Variants in TRIOBP observed in about 807,000 individuals in gnomAD.
TRIOBP encodes the protein TRIO and F-actin-binding protein.
A neutral mutation model predicts 238.8 loss-of-function variants in TRIOBP; 169 were observed. The ratio of observed to expected loss-of-function variants is 0.71; its 90% CI spans 0.62 to 0.80. The LOEUF is 0.80. Ranked by LOEUF, TRIOBP falls within the 30% of genes least tolerant of loss-of-function variation. The probability of loss-of-function intolerance (pLI) is 0.00; values close to 1 mark genes in which losing one functional copy is unlikely to be tolerated. For missense variants in TRIOBP, 2,838 were observed against 3,122.6 expected, an observed-to-expected ratio of 0.91 and a Z score of 2.17; for synonymous variants, 1,150 against 1,274.4, an observed-to-expected ratio of 0.90 and a Z score of 2.08.
At chr22:37,746,095 T>G in intron 11 of TRIOBP, 26 of 641,278 alleles carry the variant, frequency 4.1e-5, no homozygotes, top group Non-Finnish European at 4.2e-5. Context: ...GCCCGTCCCG[T>G]TGCGGCAGGT....
At chr22:37,710,736 G>C (rs1437057052) in intron 4 of TRIOBP, among the ~76,000 whole-genome samples, 170 bp downstream of exon 4, 3 of 151,892 alleles carry the variant, frequency 2.0e-5, no homozygotes, top group African/African-American at 7.3e-5. Context: ...TGCTCCTTGG[G>C]CCCACAGGAA....
intron 3 of TRIOBP, among the ~76,000 whole-genome samples, chr22:37,709,628 G>C (rs1007276236): frequency 3.3e-5 from 5 of 152,198 alleles, no homozygotes; most frequent in Non-Finnish European, 7.4e-5. Context: ...CATGGCCGCT[G>C]TCTCCCACCA....
chr22:37,769,106 A>G lies in TRIOBP; in HGVS notation c.6654A>G (p.Ala2218=). 1 of 1,613,464 alleles carries G rather than the reference A, an allele frequency of 6.2e-7. No individual in the cohort carries two copies. The highest frequency in any genetic ancestry group is 8.5e-7 in the Non-Finnish European group (1 of 1,180,010). Residue 2218 remains alanine, a synonymous_variant, in exon 20 of 24, where the codon GCA becomes GCG. Transcript: ENST00000644935. The stretch of plus-strand genomic sequence containing the variant: ...CGCAGAAGTGCCTGGAGATTGGGGC[A>G]CTCATGCGGCAGGCTGAGGAGCGCG... ...QYSQKCLEIG[A]LMRQAEEREH...
chr22:37,729,774 GAATA>G (rs944176509), intron 7 of TRIOBP, among the ~76,000 whole-genome samples: 8 of 152,062 alleles, frequency 5.3e-5, no homozygotes, highest in African/African-American at 1.9e-4. Flanking sequence ...TAATTTTACT[GAATA>G]ATTAAAATTT....
chr22:37,742,642 C>T (rs1330886313), intron 11 of TRIOBP, among the ~76,000 whole-genome samples: 3 of 152,140 alleles, frequency 2.0e-5, no homozygotes. Flanking sequence ...TAGTGTGGTA[C>T]CTTTAAGCCA....
chr22:37,704,446 A>ACAGAACAGAACAGAACAGAACAGAACAG (rs1569031527), intron 3 of TRIOBP, among the ~76,000 whole-genome samples: 6 of 82,610 alleles, frequency 7.3e-5, no homozygotes, highest in African/African-American at 1.3e-4. Flanking sequence ...ACAGTACAGA[A>ACAGAACAGAACAGAACAGAACAGAACAG]AACAGGGAGA....
In TRIOBP at chr22:37,775,787, C is replaced by CA. The variant is rs956872539; in HGVS notation, c.*2016dup. 1.1e-4 allele frequency: 16 copies of CA among 150,316 alleles called. No individual in the cohort carries two copies. The highest frequency in any genetic ancestry group is 1.9e-4 in the East Asian group (1 of 5,138). The allele number at this position is 150,316 out of a possible 1,614,324, so 9.3% of individuals were successfully genotyped here. A position where few individuals can be genotyped will look rare whatever the true frequency, so the allele number is the denominator to read the frequency against. On this transcript the variant is annotated 3_prime_UTR_variant, in exon 24 of 24. Coordinates refer to ENST00000644935, the MANE Select transcript of TRIOBP (RefSeq NM_001039141.3). ...GTGTGACAAGGGCGAAACTCCATCT[C>CA]AAAAAAAAAGGGGGAGGGTGGCGCA...
chr22:37,731,024 CT>C (rs1257539391), intron 7 of TRIOBP, among the ~76,000 whole-genome samples: 15 of 151,654 alleles, frequency 9.9e-5, no homozygotes, highest in Non-Finnish European at 2.1e-4. Flanking sequence ...CTCCAGGGAA[CT>C]TTGGTTCCTC....
At chr22:37,770,752 G>A (rs760373813) in intron 21 of TRIOBP, among the ~76,000 whole-genome samples, 4 of 149,224 alleles carry the variant, frequency 2.7e-5, no homozygotes, top group Non-Finnish European at 5.9e-5. Context: ...GCACCATCTC[G>A]GCTCACTGCA....
chr22:37,724,661 A>G lies in TRIOBP; in HGVS notation c.2105A>G (p.Gln702Arg), dbSNP rs202079450. ...GAGAACCCCAGAACATCCTGTGCCC[A>G]ACGGGACGATCCCAGAGCCTCCTCT... ...QQENPRTSCAQRDDPRASSPN... is the reference protein window; with the variant it reads ...QQENPRTSCARRDDPRASSPN... The change falls in exon 7 of 24, where the codon CAA (glutamine) becomes CGA (arginine). Residue 702 changes from glutamine (Q) to arginine (R), a missense_variant. Gln to Arg is a conservative substitution (Grantham distance 43). Transcript: ENST00000644935. 4.0e-3 allele frequency: 6,393 copies of G among 1,603,652 alleles called. 17 individuals are homozygous for G. The highest frequency in any genetic ancestry group is 4.9e-3 in the Non-Finnish European group (5,757 of 1,177,056).
At chr22:37,766,105 A>ATTT (rs1926482398) in intron 18 of TRIOBP, among the ~76,000 whole-genome samples, 1 of 152,196 alleles carries the variant, frequency 6.6e-6, no homozygotes, top group Non-Finnish European at 1.5e-5. Context: ...GTCTGCCTAA[A>ATTT]GGCACATGCT....
intron 11 of TRIOBP, among the ~76,000 whole-genome samples, chr22:37,743,808 T>TGTGTGG (rs2145851328): frequency 1.1e-5 from 1 of 91,080 alleles, no homozygotes; most frequent in Non-Finnish European, 1.9e-5. Flanking sequence ...AGAATGTGTG[T>TGTGTGG]GTGTGTGTGT....
chr22:37,771,542 G>A (rs369757389), intron 21 of TRIOBP, 108 bp from the exon 22 acceptor site: 1 of 945,628 alleles, frequency 1.1e-6, no homozygotes, highest in East Asian at 2.4e-5. Context: ...TGCAGATAGG[G>A]GCTGCATTCT....
chr22:37,713,181 T>G (rs1446562395), intron 4 of TRIOBP, 29 bp from the exon 5 acceptor site: 89 of 1,598,302 alleles, frequency 5.6e-5, no homozygotes, highest in Non-Finnish European at 7.3e-5. Flanking sequence ...TAACTCCCCA[T>G]TACTTTTTGG....
chr22:37,766,020 A>AC (rs766809603), intron 18 of TRIOBP, among the ~76,000 whole-genome samples: 6 of 151,350 alleles, frequency 4.0e-5, no homozygotes, highest in Non-Finnish European at 7.4e-5. Context: ...AGTAAAAGAT[A>AC]CCCTCCCCAC....
intron 9 of TRIOBP, among the ~76,000 whole-genome samples, chr22:37,735,825 G>A (rs1171953311): frequency 1.3e-5 from 2 of 152,228 alleles, no homozygotes; most frequent in African/African-American, 4.8e-5. Context: ...GAGGCCTCAA[G>A]CAAGATGCTC....
At chr22:37,698,216 A>G (rs1248487709) in intron 2 of TRIOBP, among the ~76,000 whole-genome samples, 32 of 128,298 alleles carry the variant, frequency 2.5e-4, no homozygotes, top group African/African-American at 6.7e-4. Flanking sequence ...AAAAAAAAAA[A>G]AAGAAAGAAA....
intron 12 of TRIOBP, among the ~76,000 whole-genome samples, chr22:37,754,647 A>G (rs186795749): frequency 1.2e-4 from 19 of 152,208 alleles, no homozygotes; most frequent in Non-Finnish European, 1.9e-4. Context: ...AGCCTTGGCA[A>G]TCTTAAAAGG....
chr22:37,732,138 T>G (rs1465535699), intron 7 of TRIOBP, among the ~76,000 whole-genome samples: 3 of 152,180 alleles, frequency 2.0e-5, no homozygotes, highest in Non-Finnish European at 4.4e-5. Context: ...GGTTGGGCCT[T>G]TTGTTGTGAC....
Sources: gnomAD v4.1 joint callset for allele counts (sites outside exome capture counted in the v4.1 genomes callset) on GRCh38, gnomAD v4.1.1 for gene constraint, MANE v1.5 for transcripts, NCBI Gene and HGNC (gene_info 2026-07-23, HGNC 2026-07-21) for gene names.